The following INVS variants were observed in gnomAD, a reference collection of about 807,000 sequenced individuals.
The protein encoded by INVS is inversion of embryo turning homolog.
Under a neutral mutation model 108.8 loss-of-function variants are expected in INVS, and 86 were observed. The ratio of observed to expected loss-of-function variants is 0.79; its 90% CI spans 0.66 to 0.95. INVS has a LOEUF of 0.95. Among genes scored for constraint, INVS ranks in the 40% least tolerant of loss-of-function variants. The pLI, the probability that INVS is intolerant of heterozygous loss-of-function variation, is 0.00. For missense variants in INVS, 1,169 were observed against 1,297.4 expected, an observed-to-expected ratio of 0.90 and a Z score of 1.52; for synonymous variants, 455 against 473.5, an observed-to-expected ratio of 0.96 and a Z score of 0.51.
chr9:100,283,057 C>G (rs1449609292), intron 12 of INVS, among the ~76,000 whole-genome samples: 1 of 152,164 alleles, frequency 6.6e-6, no homozygotes, highest in Non-Finnish European at 1.5e-5. Context: ...GCCTATAATC[C>G]CAACCCTTTG....
intron 3 of INVS, among the ~76,000 whole-genome samples, chr9:100,213,026 T>C (rs959709723): frequency 6.6e-6 from 1 of 152,060 alleles, no homozygotes; most frequent in African/African-American, 2.4e-5. Context: ...GGTTCATAGA[T>C]GGCTGTCTTC....
intron 10 of INVS, among the ~76,000 whole-genome samples, chr9:100,253,807 G>C (rs1035633802): frequency 4.6e-5 from 7 of 152,080 alleles, no homozygotes; most frequent in Admixed American, 3.3e-4. Context: ...TCTTAATCCA[G>C]TCTATCATTG....
chr9:100,102,469 T>G (rs765072103), intron 1 of INVS: 3 of 152,206 alleles, frequency 2.0e-5, no homozygotes, highest in Non-Finnish European at 4.4e-5. Flanking sequence ...CTAGGTATAT[T>G]TTCCTGGTGG....
intron 12 of INVS, among the ~76,000 whole-genome samples, chr9:100,274,696 G>A (rs775010095): frequency 6.6e-6 from 1 of 152,138 alleles, no homozygotes; most frequent in Non-Finnish European, 1.5e-5. Flanking sequence ...GTAGAGATGA[G>A]GTTTTGCCAT....
At chr9:100,180,305 C>A (rs1366521700) in intron 3 of INVS, among the ~76,000 whole-genome samples, 1 of 150,522 alleles carries the variant, frequency 6.6e-6, no homozygotes, top group Non-Finnish European at 1.5e-5. Context: ...GAGATAGAGA[C>A]ACGAAAAACC....
intron 2 of INVS, among the ~76,000 whole-genome samples, chr9:100,112,580 A>G (rs535059299): frequency 1.7e-4 from 26 of 152,132 alleles, no homozygotes; most frequent in African/African-American, 5.8e-4. Flanking sequence ...AGGGGTGTTC[A>G]AGCTTTTGGC....
intron 6 of INVS, 22 bp downstream of exon 6, chr9:100,240,262 C>A: frequency 6.3e-7 from 1 of 1,588,572 alleles, no homozygotes; most frequent in Non-Finnish European, 8.6e-7. Flanking sequence ...AAAGGATCAA[C>A]AGTAAAAGGA....
intron 3 of INVS, among the ~76,000 whole-genome samples, chr9:100,162,157 A>G (rs112702597): frequency 6.6e-6 from 1 of 152,238 alleles, no homozygotes; most frequent in African/African-American, 2.4e-5. Flanking sequence ...AATGCAGTCT[A>G]TGCTCTAACT....
chr9:100,264,889 T>G lies in INVS; in HGVS notation c.1532T>G (p.Phe511Cys). ...YLDAIKLLLDFAAFPNQMENN... is the reference protein window; with the variant it reads ...YLDAIKLLLDCAAFPNQMENN... ...GATGCCATTAAATTACTGCTAGACT[T>G]TGCTGCTTTCCCTAATCAGATGGAA... Residue 511 changes from phenylalanine to cysteine, a missense_variant, in exon 11 of 17, where the codon TTT becomes TGT. By Grantham distance (205) the Phe-to-Cys change is radical. Transcript: ENST00000262457. 6.2e-7 allele frequency: 1 copy of G among 1,613,874 alleles called. No homozygotes were observed. Among genetic ancestry groups the G allele is most frequent in the Non-Finnish European group, 8.5e-7 (1 of 1,179,822 alleles).
chr9:100,293,305 T>TGG (rs745619654), intron 14 of INVS, among the ~76,000 whole-genome samples: 5 of 152,184 alleles, frequency 3.3e-5, no homozygotes, highest in African/African-American at 7.2e-5. Context: ...TTTGTAACCA[T>TGG]GAAATGTGAG....
Position 100,180,368 on chromosome 9 carries a change from A to C in INVS, c.274-45694A>C, listed in dbSNP as rs193059814. On this transcript the variant is annotated intron_variant, in intron 3 of 16. Coordinates refer to ENST00000262457, the MANE Select transcript of INVS (RefSeq NM_014425.5). ...GGTTTTTTTTTAAAAGATTAACAAC[A>C]GGTAGACCACCACCCAGACTAATAA... Among the ~76,000 whole-genome samples, 14 of 152,122 alleles carry C rather than the reference A, an allele frequency of 9.2e-5. No individual in the cohort carries two copies. The East Asian group carries it at 2.7e-3, about 29-fold the overall frequency.
At chr9:100,140,759 G>A (rs1249618308) in intron 3 of INVS, among the ~76,000 whole-genome samples, 2 of 152,146 alleles carry the variant, frequency 1.3e-5, no homozygotes, top group Non-Finnish European at 2.9e-5. Flanking sequence ...AGATTAAGCT[G>A]AAGGAAGATT....
Position 100,146,270 on chromosome 9 carries a change from A to G in INVS, c.273+19721A>G, listed in dbSNP as rs985069998. ...TTGTAAGATTTGGGTAGGTAAAGGA[A>G]AATTACAGTCAAAGGGGGGTTGTTC... On this transcript the variant is annotated intron_variant, in intron 3 of 16. Coordinates refer to ENST00000262457, the MANE Select transcript of INVS (RefSeq NM_014425.5). 3.3e-5 allele frequency among the ~76,000 whole-genome samples: 5 copies of G among 149,730 alleles called. No individual in the cohort carries two copies. In the East Asian group the frequency reaches 9.7e-4, roughly 29 times the overall value.
chr9:100,298,176 A>T, intron 16 of INVS, 166 bp downstream of exon 16: 1 of 1,519,398 alleles, frequency 6.6e-7, no homozygotes, highest in East Asian at 2.5e-5. Flanking sequence ...TCTCCCTAAG[A>T]GGCAAATTAT....
intron 10 of INVS, among the ~76,000 whole-genome samples, chr9:100,253,614 T>C (rs926320100): frequency 1.3e-5 from 2 of 152,126 alleles, no homozygotes; most frequent in Admixed American, 6.5e-5. Flanking sequence ...CCACCCTATG[T>C]CCAAGTGTTC....
chr9:100,300,042 G>A (rs918556365), intron 16 of INVS, among the ~76,000 whole-genome samples: 4 of 152,194 alleles, frequency 2.6e-5, no homozygotes, highest in Non-Finnish European at 4.4e-5. Context: ...TGGGGCCTCA[G>A]TATCATTTGT....
chr9:100,293,168 G>A, intron 14 of INVS, 125 bp downstream of exon 14: 1 of 811,322 alleles, frequency 1.2e-6, no homozygotes, highest in Non-Finnish European at 2.1e-6. Flanking sequence ...CAATTTTATA[G>A]AGCCTACCCA....
At chr9:100,199,780 GT>G (rs1171465309) in intron 3 of INVS, among the ~76,000 whole-genome samples, 1 of 152,014 alleles carries the variant, frequency 6.6e-6, no homozygotes, top group East Asian at 1.9e-4. Context: ...TCCCTATCAT[GT>G]GCATAGAGGT....
At chr9:100,110,267 T>C (rs1276813611) in intron 2 of INVS, among the ~76,000 whole-genome samples, 3 of 152,214 alleles carry the variant, frequency 2.0e-5, no homozygotes, top group Admixed American at 6.5e-5. Flanking sequence ...AGTGAAATAA[T>C]ATGAAGAGTT....
Sources: allele counts gnomAD v4.1 joint callset (sites outside exome capture counted in the v4.1 genomes callset), GRCh38; gene constraint gnomAD v4.1.1; transcripts MANE v1.5; gene names NCBI Gene and HGNC (gene_info 2026-07-23, HGNC 2026-07-21).